The following RAP1B variants were observed in gnomAD, a reference collection of about 807,000 sequenced individuals.
The protein encoded by RAP1B is RAP1B, member of RAS oncogene family.
Under a neutral mutation model 27.5 loss-of-function variants are expected in RAP1B, and 1 was observed. The observed-to-expected ratio is 0.04, with a 90% CI of 0.01 to 0.17. The LOEUF (loss-of-function observed/expected upper bound fraction) is 0.17. Ranked by LOEUF, RAP1B falls within the 10% of genes least tolerant of loss-of-function variation. RAP1B has a pLI of 1.00. For synonymous variants in RAP1B, 75 were observed against 73.1 expected (o/e 1.03, Z -0.13); for missense variants, 84 against 214.8 (o/e 0.39, Z 3.81).
chr12:68,613,330 G>T (rs1029317659), intron 1 of RAP1B, among the ~76,000 whole-genome samples: 1 of 149,978 alleles, frequency 6.7e-6, no homozygotes, highest in African/African-American at 2.5e-5. Flanking sequence ...GGCGGAGGGT[G>T]CAGTGAGCCG....
intron 1 of RAP1B, among the ~76,000 whole-genome samples, chr12:68,637,622 A>C (rs955445757): frequency 2.0e-5 from 3 of 150,506 alleles, no homozygotes; most frequent in East Asian, 1.9e-4. Context: ...AAAAAAAAAA[A>C]AAAAAACAAG....
intron 4 of RAP1B, among the ~76,000 whole-genome samples, chr12:68,653,654 C>G (rs1051276632): frequency 6.6e-6 from 1 of 151,872 alleles, no homozygotes; most frequent in Non-Finnish European, 1.5e-5. Context: ...TCCAGCTGGG[C>G]GTGGTAGTTC....
At chr12:68,656,578 ACCCTC>A in intron 6 of RAP1B, 129 bp downstream of exon 6, 1 of 851,000 alleles carries the variant, frequency 1.2e-6, no homozygotes, top group Non-Finnish European at 1.9e-6. Context: ...AAAAAAAAAA[ACCCTC>A]ATGTTAAATG....
At chr12:68,618,666 C>T (rs988278731) in intron 1 of RAP1B, among the ~76,000 whole-genome samples, 2 of 152,072 alleles carry the variant, frequency 1.3e-5, no homozygotes, top group Admixed American at 6.5e-5. Context: ...AAACTTCTGG[C>T]GCTTTAGAAT....
Position 68,670,196 on chromosome 12 carries a change from A to G in RAP1B, c.*10947A>G, listed in dbSNP as rs1460223195. The G allele has an allele frequency of 6.6e-6, 1 of 152,150 alleles. No homozygotes were observed. The highest frequency in any genetic ancestry group is 1.5e-5 in the Non-Finnish European group (1 of 68,060). The allele number at this position is 152,150 out of a possible 1,614,324, so 9.4% of individuals were successfully genotyped here. A position where few individuals can be genotyped will look rare whatever the true frequency, so the allele number is the denominator to read the frequency against. On this transcript the variant is annotated 3_prime_UTR_variant, in exon 8 of 8. Coordinates refer to ENST00000250559, the MANE Select transcript of RAP1B (RefSeq NM_001010942.3). ...GGTCATCTGCCCGCCTCAGCCTCCCAAAGTACTGGGATTACAGGTGTGAGC... is the reference window on the plus strand; with the variant it reads ...GGTCATCTGCCCGCCTCAGCCTCCCGAAGTACTGGGATTACAGGTGTGAGC...
Position 68,665,378 on chromosome 12 carries a change from T to A in RAP1B, c.*6129T>A, listed in dbSNP as rs1379267546. The A allele has an allele frequency of 6.6e-6, 1 of 152,256 alleles. No individual in the cohort carries two copies. The highest frequency in any genetic ancestry group is 1.5e-5 in the Non-Finnish European group (1 of 68,056). 9.4% of individuals were successfully genotyped at this position (152,256 alleles called of 1,614,324 possible). A position where few individuals can be genotyped will look rare whatever the true frequency, so the allele number is the denominator to read the frequency against. On this transcript the variant is annotated 3_prime_UTR_variant, in exon 8 of 8. Coordinates refer to ENST00000250559, the MANE Select transcript of RAP1B (RefSeq NM_001010942.3). Reference sequence around the variant, plus strand: ...GCAGTCAGATTTGAAGGGTTGGACCTTGGAGTTACTGACATTGGAGGCAAC... The same window carrying A: ...GCAGTCAGATTTGAAGGGTTGGACCATGGAGTTACTGACATTGGAGGCAAC...
In RAP1B at chr12:68,661,930, T is replaced by C. The variant is rs1337665172; in HGVS notation, c.*2681T>C. The C allele has an allele frequency of 1.3e-5, 2 of 151,188 alleles. No homozygotes were observed. The highest frequency in any genetic ancestry group is 3.9e-4 in the East Asian group (2 of 5,166). 9.4% of individuals were successfully genotyped at this position (151,188 alleles called of 1,614,324 possible). A position where few individuals can be genotyped will look rare whatever the true frequency, so the allele number is the denominator to read the frequency against. On this transcript the variant is annotated 3_prime_UTR_variant, in exon 8 of 8. Coordinates refer to ENST00000250559, the MANE Select transcript of RAP1B (RefSeq NM_001010942.3). ...ATATGCCTTTGGTTGGGTGCCTTGG[T>C]TTCCTCATCTGTAAAATGAGAATGA...
In RAP1B at chr12:68,656,401, C is replaced by T. The variant is rs1394056335; in HGVS notation, c.420C>T (p.Asn140=). 1.2e-6 allele frequency: 2 copies of T among 1,611,056 alleles called. No individual in the cohort carries two copies. The highest frequency in any genetic ancestry group is 8.5e-7 in the Non-Finnish European group (1 of 1,177,440). ...AAAATCTAGCAAGACAATGGAACAA[C>T]TGTGCATTCTTAGAATCTTCTGCAA... ...QGQNLARQWN[N]CAFLESSAKS... Residue 140 remains asparagine, a synonymous_variant, in exon 6 of 8, where the codon AAC becomes AAT. Coordinates refer to ENST00000250559, the MANE Select transcript of RAP1B (RefSeq NM_001010942.3).
chr12:68,648,585 G>GA, intron 1 of RAP1B, 114 bp from the exon 2 acceptor site: 2 of 850,708 alleles, frequency 2.4e-6, no homozygotes, highest in East Asian at 5.3e-5. Context: ...CCATACTAGG[G>GA]TTGTATAGTA....
intron 1 of RAP1B, among the ~76,000 whole-genome samples, chr12:68,646,652 C>T (rs1001913434): frequency 2.6e-5 from 4 of 152,190 alleles, no homozygotes; most frequent in Non-Finnish European, 4.4e-5. Flanking sequence ...TATATGTAGT[C>T]AGTCCCACTC....
In RAP1B at chr12:68,666,509, G is replaced by A. The variant is rs1874856719; in HGVS notation, c.*7260G>A. The A allele has an allele frequency of 6.6e-6, 1 of 152,132 alleles. No individual in the cohort carries two copies. Among genetic ancestry groups the A allele is most frequent in the Non-Finnish European group, 1.5e-5 (1 of 68,012 alleles). 9.4% of individuals were successfully genotyped at this position (152,132 alleles called of 1,614,324 possible). A position where few individuals can be genotyped will look rare whatever the true frequency, so the allele number is the denominator to read the frequency against. Reference sequence around the variant, plus strand: ...GCTCTCGGAGAGAACCTGTTCCCATGGCATTATGCCACATCACATGTGCCT... The same window carrying A: ...GCTCTCGGAGAGAACCTGTTCCCATAGCATTATGCCACATCACATGTGCCT... On this transcript the variant is annotated 3_prime_UTR_variant, in exon 8 of 8. Transcript: ENST00000250559.
At chr12:68,629,500 A>G (rs1364440773) in intron 1 of RAP1B, among the ~76,000 whole-genome samples, 1 of 152,244 alleles carries the variant, frequency 6.6e-6, no homozygotes, top group Non-Finnish European at 1.5e-5. Context: ...GACCGTGTGT[A>G]TTTTAACCAC....
Position 68,659,500 on chromosome 12 carries a change from A to G in RAP1B, c.*251A>G. 3.0e-6 allele frequency: 1 copy of G among 336,534 alleles called. No homozygotes were observed. The highest frequency in any genetic ancestry group is 7.8e-5 in the East Asian group (1 of 12,900). The allele number at this position is 336,534 out of a possible 1,614,324, so 20.8% of individuals were successfully genotyped here. On this transcript the variant is annotated 3_prime_UTR_variant, in exon 8 of 8. Coordinates refer to ENST00000250559, the MANE Select transcript of RAP1B (RefSeq NM_001010942.3). The stretch of plus-strand genomic sequence containing the variant: ...GCTGGTAAAACCAGAGGCTACATCC[A>G]GTATTACTGCTAAGAGACATTCTTC...
At chr12:68,652,085 G>A (rs746596883) in intron 4 of RAP1B, 34 bp downstream of exon 4, 9 of 1,492,806 alleles carry the variant, frequency 6.0e-6, no homozygotes, top group African/African-American at 5.5e-5. Context: ...TATATACACC[G>A]TTTGTACAGT....
chr12:68,645,493 C>T (rs1873340170), intron 1 of RAP1B, among the ~76,000 whole-genome samples: 2 of 151,652 alleles, frequency 1.3e-5, no homozygotes, highest in South Asian at 2.1e-4. Context: ...TCAAAGTGCT[C>T]ATTCTTAACC....
At position 68,665,223 on chromosome 12, in the gene RAP1B, A is replaced by C; in HGVS notation, c.*5974A>C. On this transcript the variant is annotated 3_prime_UTR_variant, in exon 8 of 8. Transcript: ENST00000250559. ...GACCTCTACTGTTCTAAATGAGACT[A>C]ATAGTAAATGTTACATAACTAAAGC... 6.6e-6 allele frequency: 1 copy of C among 152,280 alleles called. No homozygotes were observed. Among genetic ancestry groups the C allele is most frequent in the East Asian group, 1.9e-4 (1 of 5,206 alleles). 9.4% of individuals were successfully genotyped at this position (152,280 alleles called of 1,614,324 possible).
chr12:68,653,308 C>A (rs919219106), intron 4 of RAP1B, among the ~76,000 whole-genome samples: 1 of 152,110 alleles, frequency 6.6e-6, no homozygotes, highest in African/African-American at 2.4e-5. Flanking sequence ...AAGATTTGTT[C>A]TCGGTGTATG....
At chr12:68,628,344 GT>G (rs1231122671) in intron 1 of RAP1B, among the ~76,000 whole-genome samples, 1 of 152,208 alleles carries the variant, frequency 6.6e-6, no homozygotes, top group Non-Finnish European at 1.5e-5. Flanking sequence ...TGTGACAGCA[GT>G]TTCCTCACCT....
intron 1 of RAP1B, among the ~76,000 whole-genome samples, chr12:68,632,128 T>G (rs193095751): frequency 5.2e-4 from 70 of 133,470 alleles, no homozygotes; most frequent in African/African-American, 2.5e-3. Flanking sequence ...GTTTTGGATT[T>G]GTTTTTTTTT....
Sources: allele counts gnomAD v4.1 joint callset (sites outside exome capture counted in the v4.1 genomes callset), GRCh38; gene constraint gnomAD v4.1.1; transcripts MANE v1.5; gene names NCBI Gene and HGNC (gene_info 2026-07-23, HGNC 2026-07-21).